The following FLT1 variants were observed in gnomAD, a reference collection of about 807,000 sequenced individuals.
The protein encoded by FLT1 is vascular endothelial growth factor receptor 1.
In FLT1, 49 loss-of-function variants were observed where a neutral mutation model predicts 156.3. The ratio of observed to expected loss-of-function variants is 0.31; its 90% CI spans 0.25 to 0.40. The LOEUF (loss-of-function observed/expected upper bound fraction) is 0.40, where lower values mean the gene tolerates loss of function less well. FLT1 is among the 10% of genes least tolerant of loss of function. The pLI is 1.00. For synonymous variants in FLT1, 594 were observed against 583.8 expected (o/e 1.02, Z -0.25); for missense variants, 1,322 against 1,637.2 (o/e 0.81, Z 3.32).
At chr13:28,479,650 C>T (rs890907967) in intron 1 of FLT1, among the ~76,000 whole-genome samples, 9 of 152,084 alleles carry the variant, frequency 5.9e-5, no homozygotes, top group Non-Finnish European at 8.8e-5. Flanking sequence ...AATAATTTAC[C>T]GAATGTTTTT....
At chr13:28,335,097 T>C (rs908833056) in intron 17 of FLT1, among the ~76,000 whole-genome samples, 3 of 151,840 alleles carry the variant, frequency 2.0e-5, no homozygotes, top group Non-Finnish European at 4.4e-5. Context: ...CTCCCTGGAG[T>C]ACCTAAGCTG....
chr13:28,319,470 C>A lies in FLT1; in HGVS notation c.3239G>T (p.Ser1080Ile). ...CAATACTCCGTAAGACCACACGTCGCTCTTGGTGCTGTAGATTTTGTCAAA... is the reference window on the plus strand; with the variant it reads ...CAATACTCCGTAAGACCACACGTCGATCTTGGTGCTGTAGATTTTGTCAAA... ...SIFDKIYSTK[S>I]DVWSYGVLLW... is the part of the protein sequence containing the mutation. The change falls in exon 24 of 30, where the codon AGC (serine) becomes ATC (isoleucine). Residue 1080 changes from serine to isoleucine, a missense_variant. Coordinates refer to ENST00000282397, the MANE Select transcript of FLT1 (RefSeq NM_002019.4). 6.2e-7 allele frequency: 1 copy of A among 1,614,094 alleles called. No individual in the cohort carries two copies. Among genetic ancestry groups the A allele is most frequent in the Non-Finnish European group, 8.5e-7 (1 of 1,179,968 alleles).
rs758313026 is a variant in FLT1 at position 28,308,911 on chromosome 13, TGAA to T, written c.3649_3651del (p.Phe1217del). ...TTGATTCTTTCCAGGCTCATGAACT[TGAA>T]AGCATTTACGTATCTAATGAAGAAA... On this transcript the variant is annotated inframe_deletion, in exon 28 of 30. Transcript: ENST00000282397. The T allele has an allele frequency of 6.5e-5, 105 of 1,605,108 alleles. No individual in the cohort carries two copies. The highest frequency in any genetic ancestry group is 4.9e-4 in the Middle Eastern group (3 of 6,062).
rs539558369 is a variant in FLT1 at position 28,478,488 on chromosome 13, A to G, written c.65-10871T>C. On this transcript the variant is annotated intron_variant, in intron 1 of 29. Transcript: ENST00000282397. ...CCTTAGAAGGAAAGTCTCACAGAAA[A>G]GATCTGGGAGATATTTGATCAATTC... is the stretch of plus-strand genomic sequence containing the variant. 2.0e-5 allele frequency among the ~76,000 whole-genome samples: 3 copies of G among 152,342 alleles called. No individual in the cohort carries two copies. In the East Asian group the frequency reaches 5.8e-4, roughly 29 times the overall value.
Position 28,302,839 on chromosome 13 carries a change from G to GT in FLT1, c.*327dup. 2.3e-6 allele frequency: 1 copy of GT among 432,938 alleles called. No homozygotes were observed. Among genetic ancestry groups the GT allele is most frequent in the Non-Finnish European group, 4.3e-6 (1 of 233,690 alleles). The allele number at this position is 432,938 out of a possible 1,614,324, so 26.8% of individuals were successfully genotyped here. On this transcript the variant is annotated 3_prime_UTR_variant, in exon 30 of 30. Coordinates refer to ENST00000282397, the MANE Select transcript of FLT1 (RefSeq NM_002019.4). ...GGGTACGTGATGCATTGGGTGATCA[G>GT]TGCAGCTCCTCAATCAAACTGGTCC...
At chr13:28,430,962 G>C (rs1020705270) in intron 7 of FLT1, among the ~76,000 whole-genome samples, 174 bp downstream of exon 7, 1 of 152,172 alleles carries the variant, frequency 6.6e-6, no homozygotes, top group African/African-American at 2.4e-5. Flanking sequence ...TAAATGTAAA[G>C]AGTACTTAAT....
chr13:28,378,247 C>T (rs1873929787), intron 14 of FLT1, among the ~76,000 whole-genome samples: 1 of 152,194 alleles, frequency 6.6e-6, no homozygotes, highest in African/African-American at 2.4e-5. Context: ...CGAGGTTTCA[C>T]CATGTTGGCC....
chr13:28,352,719 C>G (rs892877549), intron 15 of FLT1, among the ~76,000 whole-genome samples: 1 of 152,194 alleles, frequency 6.6e-6, no homozygotes, highest in African/African-American at 2.4e-5. Context: ...CTCGGGAAAC[C>G]TTTCTAAATA....
intron 14 of FLT1, among the ~76,000 whole-genome samples, chr13:28,380,436 A>T (rs1874029329): frequency 6.6e-6 from 1 of 152,210 alleles, no homozygotes; most frequent in Non-Finnish European, 1.5e-5. Flanking sequence ...TACATGGGGA[A>T]GATTATCTCC....
At chr13:28,303,485 T>C (rs995099965) in intron 29 of FLT1, 117 bp from the exon 30 acceptor site, 4 of 855,588 alleles carry the variant, frequency 4.7e-6, no homozygotes, top group Non-Finnish European at 5.2e-6. Flanking sequence ...GAGTTCATGG[T>C]TTTGGAACCC....
At chr13:28,390,387 T>C (rs1874637125) in intron 12 of FLT1, among the ~76,000 whole-genome samples, 1 of 152,168 alleles carries the variant, frequency 6.6e-6, no homozygotes, top group African/African-American at 2.4e-5. Flanking sequence ...TCCAACTTGG[T>C]TGTTAACTTT....
rs149033760 is a variant in FLT1, at chr13:28,463,080, TA to T, written c.388+3822del. On this transcript the variant is annotated intron_variant, in intron 3 of 29. Coordinates refer to ENST00000282397, the MANE Select transcript of FLT1 (RefSeq NM_002019.4). ...GTTGTGAGGATTAAATGGCATCAAG[TA>T]AATGAAACCATTTGTTTAAGTGAAA... Among the ~76,000 whole-genome samples, 729 of 152,316 alleles carry T rather than the reference TA, an allele frequency of 4.8e-3. 9 individuals are homozygous for T. The highest frequency in any genetic ancestry group is 0.017 in the African/African-American group (692 of 41,562).
At chr13:28,320,004 G>T (rs1871375773) in intron 23 of FLT1, among the ~76,000 whole-genome samples, 1 of 152,174 alleles carries the variant, frequency 6.6e-6, no homozygotes, top group Non-Finnish European at 1.5e-5. Flanking sequence ...GTGTGCAAAA[G>T]CATCAGAAAG....
intron 7 of FLT1, 34 bp from the exon 8 acceptor site, chr13:28,430,201 A>G: frequency 6.7e-7 from 1 of 1,487,024 alleles, no homozygotes; most frequent in Non-Finnish European, 9.4e-7. Context: ...ACATTAGAAA[A>G]GAATAATTTC....
intron 13 of FLT1, chr13:28,387,170 T>A: frequency 9.7e-7 from 1 of 1,035,582 alleles, no homozygotes; most frequent in Non-Finnish European, 1.2e-6. Context: ...GCAAAAAGGC[T>A]GCAGAACGTA....
At chr13:28,441,810 G>T (rs1294308639) in intron 3 of FLT1, among the ~76,000 whole-genome samples, 1 of 152,050 alleles carries the variant, frequency 6.6e-6, no homozygotes, top group African/African-American at 2.4e-5. Flanking sequence ...ATCTTTGGGT[G>T]TTGGCTTTAT....
intron 14 of FLT1, chr13:28,368,040 T>A: frequency 2.2e-6 from 1 of 454,094 alleles, no homozygotes; most frequent in Non-Finnish European, 2.9e-6. Flanking sequence ...TATGTGTTGC[T>A]TATTTTCATT....
intron 24 of FLT1, among the ~76,000 whole-genome samples, 189 bp from the exon 25 acceptor site, chr13:28,317,786 A>T (rs1294769250): frequency 1.3e-5 from 2 of 152,160 alleles, no homozygotes; most frequent in Non-Finnish European, 1.5e-5. Flanking sequence ...TGCTAAGGAC[A>T]CCCGCTTGGT....
chr13:28,365,097 A>T (rs1375729292), intron 14 of FLT1, among the ~76,000 whole-genome samples: 6 of 152,214 alleles, frequency 3.9e-5, no homozygotes, highest in Non-Finnish European at 8.8e-5. Context: ...ACGTACAAAA[A>T]TGGCAATATG....
Sources: allele counts gnomAD v4.1 joint callset (sites outside exome capture counted in the v4.1 genomes callset), GRCh38; gene constraint gnomAD v4.1.1; transcripts MANE v1.5; gene names NCBI Gene and HGNC (gene_info 2026-07-23, HGNC 2026-07-21).